CASP9: variants seen among roughly 807,000 people sequenced by gnomAD.
CASP9 encodes the protein caspase-9.
CASP9 carries 29 observed loss-of-function variants against 43.5 expected under a neutral mutation model. The ratio of observed to expected loss-of-function variants is 0.67; its 90% CI spans 0.50 to 0.91. CASP9 has a LOEUF of 0.91. Ranked by LOEUF, CASP9 falls within the 40% of genes least tolerant of loss-of-function variation. The probability of loss-of-function intolerance (pLI) is 0.00; values close to 1 mark genes in which losing one functional copy is unlikely to be tolerated. For synonymous variants in CASP9, 206 were observed against 211.9 expected, an observed-to-expected ratio of 0.97 and a Z score of 0.24; for missense variants, 575 against 537.4, an observed-to-expected ratio of 1.07 and a Z score of -0.69.
upstream of CASP9, chr1:15,524,743 T>A: frequency 1.0e-6 from 1 of 982,346 alleles, no homozygotes; most frequent in South Asian, 3.8e-5. Flanking sequence ...TCACCGCCTG[T>A]CCCCAGAACC....
At position 15,518,676 on chromosome 1, in the gene CASP9, C is replaced by G. The variant is rs555572057; in HGVS notation, c.133-281G>C. Among the ~76,000 whole-genome samples the G allele has an allele frequency of 3.9e-4, 59 of 152,328 alleles. 1 individual carries two copies. The highest frequency in any genetic ancestry group is 2.1e-3 in the South Asian group (10 of 4,826). On this transcript the variant is annotated intron_variant, in intron 1 of 8. Transcript: ENST00000333868. ...TAATGGGGAATGCAATCAGACAAATCAGCAATGACACAACAAGAGACAAGT... is the reference window on the plus strand; with the variant it reads ...TAATGGGGAATGCAATCAGACAAATGAGCAATGACACAACAAGAGACAAGT...
In CASP9 at chr1:15,518,199, A is replaced by G. The variant is rs777723580; in HGVS notation, c.329T>C (p.Val110Ala). 3 of 1,614,070 alleles carry G rather than the reference A, an allele frequency of 1.9e-6. No homozygotes were observed. Among genetic ancestry groups the G allele is most frequent in the South Asian group, 1.1e-5 (1 of 91,094 alleles). The change falls in exon 2 of 9, where the codon GTG becomes GCG. Residue 110 changes from valine to alanine, a missense_variant. Val to Ala is a moderately conservative substitution (Grantham distance 64, BLOSUM62 0). Coordinates refer to ENST00000333868, the MANE Select transcript of CASP9 (RefSeq NM_001229.5). ...TGGTTTGCGAATCTCTGGTCTGAGC[A>G]CCACTGGGGTAAGGTTTTCTAGGGT... ...KPTLENLTPV[V>A]LRPEIRKPEV...
intron 2 of CASP9, among the ~76,000 whole-genome samples, chr1:15,511,048 A>AC (rs1278195063): frequency 3.9e-4 from 59 of 152,212 alleles, no homozygotes; most frequent in Non-Finnish European, 1.8e-4. Context: ...TGGGATTCCA[A>AC]AGAAAGAAGC....
chr1:15,504,830 T>C (rs1709458577), intron 5 of CASP9, 72 bp from the exon 6 acceptor site: 1 of 1,476,440 alleles, frequency 6.8e-7, no homozygotes, highest in African/African-American at 1.4e-5. Flanking sequence ...TTCAGAGGTT[T>C]TGTGGGAGCC....
In CASP9 at chr1:15,491,618, A is replaced by G; in HGVS notation, c.*1325T>C. On this transcript the variant is annotated 3_prime_UTR_variant, in exon 9 of 9. Transcript: ENST00000333868. ...ACTAAAAATACAAAAATTAACTGGG[A>G]GAGGTGGTGCACACCTGTAGTCCAA... The G allele has an allele frequency of 3.0e-6, 1 of 332,550 alleles. No individual in the cohort carries two copies. The highest frequency in any genetic ancestry group is 5.8e-6 in the Non-Finnish European group (1 of 173,664). 20.6% of individuals were successfully genotyped at this position (332,550 alleles called of 1,614,324 possible).
At chr1:15,511,152 G>C (rs1288574068) in intron 2 of CASP9, among the ~76,000 whole-genome samples, 1 of 152,234 alleles carries the variant, frequency 6.6e-6, no homozygotes, top group African/African-American at 2.4e-5. Flanking sequence ...CCAAAGTGAA[G>C]AGGTCAGGGT....
chr1:15,517,444 A>T (rs970044887), intron 2 of CASP9, among the ~76,000 whole-genome samples: 2 of 152,158 alleles, frequency 1.3e-5, no homozygotes, highest in African/African-American at 4.8e-5. Flanking sequence ...AAATGGAAAG[A>T]GAGTCAACGG....
intron 1 of CASP9, 87 bp from the exon 2 acceptor site, chr1:15,518,482 G>C (rs1710047533): frequency 7.0e-7 from 1 of 1,432,562 alleles, no homozygotes; most frequent in Admixed American, 2.0e-5. Flanking sequence ...GCTACTGTAA[G>C]TCTAAACAAT....
chr1:15,499,745 G>A (rs1244046510), intron 6 of CASP9, among the ~76,000 whole-genome samples: 5 of 152,210 alleles, frequency 3.3e-5, no homozygotes, highest in Non-Finnish European at 7.3e-5. Flanking sequence ...ATGGAGATCT[G>A]GGGAACTGCT....
At chr1:15,520,636 C>A (rs1710150139) in intron 1 of CASP9, among the ~76,000 whole-genome samples, 2 of 152,212 alleles carry the variant, frequency 1.3e-5, no homozygotes, top group South Asian at 4.1e-4. Flanking sequence ...TCTGGGGAGA[C>A]ACCCATTACT....
chr1:15,503,465 G>C (rs4646060), intron 6 of CASP9, among the ~76,000 whole-genome samples: 5 of 152,340 alleles, frequency 3.3e-5, no homozygotes, highest in Admixed American at 3.3e-4. Context: ...GGTCATGACA[G>C]TGACTTAATA....
Position 15,506,889 on chromosome 1 carries a change from G to A in CASP9, c.630+10C>T. 1.3e-6 allele frequency: 2 copies of A among 1,585,318 alleles called. No homozygotes were observed. Among genetic ancestry groups the A allele is most frequent in the South Asian group, 2.2e-5 (2 of 90,386 alleles). ...CCCACCCTGTCTCCCTCCACAGATAGTGAGTGTACCTTGGCAGTCAGGTCG... is the reference window on the plus strand; with the variant it reads ...CCCACCCTGTCTCCCTCCACAGATAATGAGTGTACCTTGGCAGTCAGGTCG... On this transcript the variant is annotated intron_variant, in intron 4 of 8. Transcript: ENST00000333868.
chr1:15,518,883 T>G (rs35002772), intron 1 of CASP9, among the ~76,000 whole-genome samples: 46,388 of 151,738 alleles, frequency 0.31, 7,496 homozygotes, highest in East Asian at 0.58. Context: ...TGTTTTTTTT[T>G]TTTTTTCTTG....
intron 6 of CASP9, among the ~76,000 whole-genome samples, chr1:15,501,121 G>A (rs773307783): frequency 2.0e-5 from 3 of 152,120 alleles, no homozygotes; most frequent in South Asian, 2.1e-4. Context: ...TGTTCCCTCC[G>A]CACAGAAAAT....
At chr1:15,521,639 C>T (rs1164659369) in intron 1 of CASP9, among the ~76,000 whole-genome samples, 1 of 152,200 alleles carries the variant, frequency 6.6e-6, no homozygotes, top group Non-Finnish European at 1.5e-5. Flanking sequence ...CTTGCTTCAC[C>T]TTATCAATCA....
rs1708939011 is a variant in CASP9, at chr1:15,492,790, C to G, written c.*153G>C. 1 of 1,064,046 alleles carries G rather than the reference C, an allele frequency of 9.4e-7. No individual in the cohort carries two copies. The highest frequency in any genetic ancestry group is 1.6e-5 in the African/African-American group (1 of 63,172). 65.9% of individuals were successfully genotyped at this position (1,064,046 alleles called of 1,614,324 possible). On this transcript the variant is annotated 3_prime_UTR_variant, in exon 9 of 9. Coordinates refer to ENST00000333868, the MANE Select transcript of CASP9 (RefSeq NM_001229.5). The stretch of plus-strand genomic sequence containing the variant: ...GCACTTGTCGTCAATCTGGAAGCTG[C>G]TAAGAGCCTGTCTGTCACTGGCAGA...
intron 2 of CASP9, among the ~76,000 whole-genome samples, chr1:15,515,676 T>C (rs1475219097): frequency 6.6e-6 from 1 of 152,198 alleles, no homozygotes; most frequent in Non-Finnish European, 1.5e-5. Context: ...TTTTTACCCA[T>C]CACACAGGAA....
chr1:15,514,602 G>A (rs779801858), intron 2 of CASP9, among the ~76,000 whole-genome samples: 16 of 152,186 alleles, frequency 1.1e-4, no homozygotes, highest in Non-Finnish European at 4.4e-5. Flanking sequence ...TTCCTCCCCT[G>A]TAAGTAGCAT....
upstream of CASP9, chr1:15,524,409 G>A (rs1710361955): frequency 1.1e-5 from 15 of 1,329,122 alleles, no homozygotes; most frequent in South Asian, 1.7e-5. Context: ...CCGCCCTCAG[G>A]ACGCACCTCT....
Sources: allele counts gnomAD v4.1 joint callset (sites outside exome capture counted in the v4.1 genomes callset), GRCh38; gene constraint gnomAD v4.1.1; transcripts MANE v1.5; gene names NCBI Gene and HGNC (gene_info 2026-07-23, HGNC 2026-07-21).